LHFPL3: variants seen among roughly 807,000 people sequenced by gnomAD.
The protein encoded by LHFPL3 is LHFPL tetraspan subfamily member 3, also known as LHFPL tetraspan subfamily member 3 protein.
Under a neutral mutation model 19.3 loss-of-function variants are expected in LHFPL3, and 5 were observed. The observed-to-expected ratio is 0.26, with a 90% confidence interval of 0.14 to 0.54. The LOEUF is 0.54. LHFPL3 is among the 20% of genes least tolerant of loss of function. LHFPL3 has a pLI of 0.94. For missense variants in LHFPL3, 249 were observed against 307.4 expected, an observed-to-expected ratio of 0.81 and a Z score of 1.42; for synonymous variants, 133 against 126.2, an observed-to-expected ratio of 1.05 and a Z score of -0.36.
chr7:104,746,981 G>C (rs1228392233), intron 2 of LHFPL3, among the ~76,000 whole-genome samples: 2 of 152,094 alleles, frequency 1.3e-5, no homozygotes, highest in African/African-American at 2.4e-5. Flanking sequence ...TCCTCCACAT[G>C]CTTAAATTTA....
intron 1 of LHFPL3, among the ~76,000 whole-genome samples, chr7:104,715,279 G>A (rs926701915): frequency 6.6e-6 from 1 of 152,196 alleles, no homozygotes. Flanking sequence ...ACCCCCTTGA[G>A]TAAGGGAAAG....
chr7:104,618,576 A>G (rs1022530196), intron 1 of LHFPL3, among the ~76,000 whole-genome samples: 3 of 152,080 alleles, frequency 2.0e-5, no homozygotes, highest in African/African-American at 7.2e-5. Context: ...TTGTTTGATC[A>G]TGTTAGCTTT....
At chr7:104,412,430 GA>G (rs1791550901) in intron 1 of LHFPL3, among the ~76,000 whole-genome samples, 1 of 152,054 alleles carries the variant, frequency 6.6e-6, no homozygotes, top group Non-Finnish European at 1.5e-5. Flanking sequence ...AGGAGCAAAT[GA>G]AAGCTAGAAT....
intron 1 of LHFPL3, among the ~76,000 whole-genome samples, chr7:104,701,682 A>C (rs1230463348): frequency 6.6e-6 from 1 of 152,164 alleles, no homozygotes; most frequent in Non-Finnish European, 1.5e-5. Context: ...AAACCTGTGT[A>C]GTCCAATGGC....
chr7:104,865,779 T>G (rs1791709594), intron 2 of LHFPL3, among the ~76,000 whole-genome samples: 1 of 152,024 alleles, frequency 6.6e-6, no homozygotes, highest in Non-Finnish European at 1.5e-5. Context: ...ATTCTCAGAT[T>G]CACCAAAATT....
intron 1 of LHFPL3, among the ~76,000 whole-genome samples, chr7:104,574,215 G>A (rs1020924585): frequency 1.3e-5 from 2 of 152,260 alleles, no homozygotes; most frequent in African/African-American, 4.8e-5. Flanking sequence ...AAGAGAGATG[G>A]TCTAATTGTC....
intron 1 of LHFPL3, among the ~76,000 whole-genome samples, chr7:104,482,536 T>C (rs764516396): frequency 2.0e-5 from 3 of 152,260 alleles, no homozygotes; most frequent in Non-Finnish European, 2.9e-5. Context: ...TTTTAGACTC[T>C]TATGTGTTTA....
intron 1 of LHFPL3, among the ~76,000 whole-genome samples, chr7:104,628,629 T>C (rs181198878): frequency 3.9e-4 from 59 of 152,322 alleles, no homozygotes; most frequent in African/African-American, 1.4e-3. Context: ...AATTTTCAAG[T>C]AGATTTTGCA....
rs1790116687 is a variant in LHFPL3, at chr7:104,795,976, C to A, written c.682+59065C>A. Among the ~76,000 whole-genome samples the A allele has an allele frequency of 2.5e-5, 2 of 78,714 alleles. 1 individual carries two copies. Among genetic ancestry groups the A allele is most frequent in the African/African-American group, 8.1e-5 (2 of 24,706 alleles). The allele number at this position is 78,714 out of a possible 152,430, so 51.6% of individuals were successfully genotyped here. ...AAAATATACCCATTGAAATATGGATCTAAAAGCCCACCCCTGCCCACCCCA... is the reference window on the plus strand; with the variant it reads ...AAAATATACCCATTGAAATATGGATATAAAAGCCCACCCCTGCCCACCCCA... On this transcript the variant is annotated intron_variant, in intron 2 of 2. Transcript: ENST00000424859.
chr7:104,732,276 T>C (rs1021171433), intron 1 of LHFPL3, among the ~76,000 whole-genome samples: 4 of 152,202 alleles, frequency 2.6e-5, no homozygotes, highest in African/African-American at 9.6e-5. Context: ...TTTCTATTGA[T>C]TGGAATAGTT....
chr7:104,438,635 C>T (rs890267798), intron 1 of LHFPL3, among the ~76,000 whole-genome samples: 1 of 151,832 alleles, frequency 6.6e-6, no homozygotes, highest in East Asian at 1.9e-4. Context: ...CTTATGCTTA[C>T]ATTAGAAAGG....
At chr7:104,662,195 A>C (rs558731489) in intron 1 of LHFPL3, among the ~76,000 whole-genome samples, 18 of 152,344 alleles carry the variant, frequency 1.2e-4, no homozygotes, top group African/African-American at 4.3e-4. Flanking sequence ...AACCACAAAT[A>C]AGGGGGAGAC....
At chr7:104,841,493 GGTGTGTGTGT>G (rs66894221) in intron 2 of LHFPL3, among the ~76,000 whole-genome samples, 4 of 140,836 alleles carry the variant, frequency 2.8e-5, no homozygotes, top group African/African-American at 1.1e-4. Flanking sequence ...CATTATGTGG[GGTGTGTGTGT>G]GTGTGTGTGT....
intron 1 of LHFPL3, among the ~76,000 whole-genome samples, chr7:104,621,501 A>G (rs141745257): frequency 3.4e-4 from 52 of 152,320 alleles, no homozygotes; most frequent in Non-Finnish European, 5.3e-4. Context: ...ATCACTGAAG[A>G]GTGTGCTGGG....
intron 2 of LHFPL3, among the ~76,000 whole-genome samples, chr7:104,760,077 C>A (rs1269635339): frequency 3.3e-5 from 5 of 152,122 alleles, no homozygotes; most frequent in Non-Finnish European, 5.9e-5. Flanking sequence ...TGGGCCTGAC[C>A]CCCAGAGGTT....
At chr7:104,892,310 T>C (rs977751573) in intron 2 of LHFPL3, among the ~76,000 whole-genome samples, 2 of 152,130 alleles carry the variant, frequency 1.3e-5, no homozygotes, top group African/African-American at 4.8e-5. Flanking sequence ...ATTTTCAAAA[T>C]AATAGTGGCA....
At chr7:104,485,462 A>G (rs1484235880) in intron 1 of LHFPL3, among the ~76,000 whole-genome samples, 1 of 152,010 alleles carries the variant, frequency 6.6e-6, no homozygotes, top group Non-Finnish European at 1.5e-5. Context: ...GGCATCCATA[A>G]GTTATATTGG....
chr7:104,875,528 C>T (rs1418862551), intron 2 of LHFPL3, among the ~76,000 whole-genome samples: 2 of 152,210 alleles, frequency 1.3e-5, no homozygotes, highest in African/African-American at 4.8e-5. Context: ...GATAGTGTTA[C>T]ATTCCTCCCA....
At chr7:104,452,625 G>C (rs12112342) in intron 1 of LHFPL3, among the ~76,000 whole-genome samples, 33,868 of 151,858 alleles carry the variant, frequency 0.22, 4,180 homozygotes, top group African/African-American at 0.34. Context: ...TGTTAATTAA[G>C]CATTATATCT....
Sources: allele counts gnomAD v4.1 joint callset (sites outside exome capture counted in the v4.1 genomes callset), GRCh38; gene constraint gnomAD v4.1.1; transcripts MANE v1.5; gene names NCBI Gene and HGNC (gene_info 2026-07-23, HGNC 2026-07-21).